NSMCE2: variants seen among roughly 807,000 people sequenced by gnomAD.
NSMCE2 encodes NSE2 SUMO ligase component of SMC5/6 complex.
NSMCE2 carries 24 observed loss-of-function variants against 23.8 expected under a neutral mutation model. The ratio of observed to expected loss-of-function variants is 1.01; its 90% CI spans 0.73 to 1.42. The LOEUF (loss-of-function observed/expected upper bound fraction) is 1.42. Ranked by LOEUF, NSMCE2 falls within the 40% of genes most tolerant of loss-of-function variation. NSMCE2 has a pLI of 0.00. For synonymous variants in NSMCE2, 92 were observed against 94.1 expected, an observed-to-expected ratio of 0.98 and a Z score of 0.13; for missense variants, 284 against 296.5, an observed-to-expected ratio of 0.96 and a Z score of 0.31.
intron 5 of NSMCE2, among the ~76,000 whole-genome samples, chr8:125,253,991 C>T (rs1483435377): frequency 6.6e-6 from 1 of 152,100 alleles, no homozygotes; most frequent in East Asian, 1.9e-4. Context: ...TCTCAAAAGG[C>T]CTAGAAGATA....
intron 5 of NSMCE2, among the ~76,000 whole-genome samples, chr8:125,339,165 T>C (rs1830156707): frequency 6.6e-6 from 1 of 152,218 alleles, no homozygotes; most frequent in African/African-American, 2.4e-5. Context: ...CCTTGAGTCC[T>C]GTCCACCCTC....
chr8:125,318,779 C>A (rs1250390071), intron 5 of NSMCE2, among the ~76,000 whole-genome samples: 1 of 152,144 alleles, frequency 6.6e-6, no homozygotes, highest in Non-Finnish European at 1.5e-5. Context: ...GAAATGGGTC[C>A]CATGCTTGTT....
intron 5 of NSMCE2, among the ~76,000 whole-genome samples, chr8:125,288,638 A>G (rs532732470): frequency 1.3e-5 from 2 of 151,948 alleles, no homozygotes; most frequent in South Asian, 4.2e-4. Context: ...TACTGTTGAC[A>G]TTTATTCATT....
At chr8:125,167,974 A>G (rs960550204) in intron 4 of NSMCE2, among the ~76,000 whole-genome samples, 2 of 152,174 alleles carry the variant, frequency 1.3e-5, no homozygotes, top group Non-Finnish European at 2.9e-5. Flanking sequence ...AACCAAGCTG[A>G]AAGTCAGTTT....
chr8:125,347,922 A>C (rs1348836412), intron 5 of NSMCE2, among the ~76,000 whole-genome samples: 1 of 152,228 alleles, frequency 6.6e-6, no homozygotes, highest in Admixed American at 6.5e-5. Context: ...GCTTACATTT[A>C]AGGGGGTGGT....
At chr8:125,201,695 G>T (rs977087109) in intron 5 of NSMCE2, among the ~76,000 whole-genome samples, 1 of 152,210 alleles carries the variant, frequency 6.6e-6, no homozygotes, top group East Asian at 1.9e-4. Flanking sequence ...GAGCTCAGTC[G>T]TTGTGCTGAG....
intron 5 of NSMCE2, among the ~76,000 whole-genome samples, chr8:125,225,288 A>C (rs905266978): frequency 4.6e-5 from 7 of 152,222 alleles, no homozygotes; most frequent in South Asian, 2.1e-4. Flanking sequence ...GCTTTCCTTC[A>C]GTCGACAGCA....
intron 7 of NSMCE2, among the ~76,000 whole-genome samples, chr8:125,360,351 T>A (rs1813480987): frequency 6.6e-6 from 1 of 152,060 alleles, no homozygotes. Flanking sequence ...TCAACTACCG[T>A]CACAGATGCA....
chr8:125,189,562 A>T (rs1332610380), intron 5 of NSMCE2, among the ~76,000 whole-genome samples: 1 of 152,208 alleles, frequency 6.6e-6, no homozygotes, highest in Non-Finnish European at 1.5e-5. Flanking sequence ...CCTAGAACAG[A>T]TTTATTCAAC....
At chr8:125,313,880 A>G (rs781077975) in intron 5 of NSMCE2, among the ~76,000 whole-genome samples, 11 of 152,348 alleles carry the variant, frequency 7.2e-5, no homozygotes, top group South Asian at 2.1e-4. Flanking sequence ...TCCACCAGCT[A>G]TTACAACTAA....
intron 5 of NSMCE2, among the ~76,000 whole-genome samples, chr8:125,328,137 G>A (rs1163891463): frequency 1.4e-5 from 2 of 146,068 alleles, no homozygotes; most frequent in African/African-American, 2.5e-5. Flanking sequence ...ATCATCCAAA[G>A]ACTTCTCACT....
chr8:125,121,586 T>C (rs1229190712), intron 3 of NSMCE2, among the ~76,000 whole-genome samples: 1 of 152,222 alleles, frequency 6.6e-6, no homozygotes, highest in Non-Finnish European at 1.5e-5. Context: ...TCTGTATGTC[T>C]CAATCAAGAA....
At chr8:125,319,629 G>A (rs1223352361) in intron 5 of NSMCE2, among the ~76,000 whole-genome samples, 1 of 152,046 alleles carries the variant, frequency 6.6e-6, no homozygotes, top group East Asian at 1.9e-4. Flanking sequence ...CACACAAACT[G>A]GATGGGATTA....
intron 5 of NSMCE2, among the ~76,000 whole-genome samples, chr8:125,320,299 A>AGGAAGGAAGGAT (rs1563782838): frequency 1.6e-5 from 2 of 126,788 alleles, no homozygotes; most frequent in African/African-American, 5.8e-5. Flanking sequence ...GAAGGAAGGA[A>AGGAAGGAAGGAT]GGAAGGAAGG....
intron 3 of NSMCE2, among the ~76,000 whole-genome samples, chr8:125,126,164 CT>C (rs1390648524): frequency 1.3e-5 from 2 of 152,070 alleles, no homozygotes; most frequent in Non-Finnish European, 2.9e-5. Context: ...GGGCAGATCA[CT>C]TGAGGTCAGG....
At chr8:125,238,919 A>G (rs1255229869) in intron 5 of NSMCE2, among the ~76,000 whole-genome samples, 2 of 152,194 alleles carry the variant, frequency 1.3e-5, no homozygotes, top group Non-Finnish European at 2.9e-5. Context: ...ATTCCTGTAT[A>G]TTGTTACAGA....
At chr8:125,172,530 A>G (rs1012560269) in intron 4 of NSMCE2, among the ~76,000 whole-genome samples, 3 of 152,188 alleles carry the variant, frequency 2.0e-5, no homozygotes, top group Non-Finnish European at 2.9e-5. Flanking sequence ...CCCCCTCCCC[A>G]AAAGGGGGAA....
At chr8:125,172,042 T>C (rs7017497) in intron 4 of NSMCE2, among the ~76,000 whole-genome samples, 14,968 of 152,224 alleles carry the variant, frequency 0.098, 951 homozygotes, top group South Asian at 0.17. Flanking sequence ...CATTAATTCA[T>C]TTAATACTCA....
At chr8:125,288,959 A>C (rs1345226023) in intron 5 of NSMCE2, among the ~76,000 whole-genome samples, 1 of 152,022 alleles carries the variant, frequency 6.6e-6, no homozygotes, top group Admixed American at 6.6e-5. Context: ...CACCATGCCC[A>C]GCTAATTTTT....
Sources: gnomAD v4.1 joint callset for allele counts (sites outside exome capture counted in the v4.1 genomes callset) on GRCh38, gnomAD v4.1.1 for gene constraint, MANE v1.5 for transcripts, NCBI Gene and HGNC (gene_info 2026-07-23, HGNC 2026-07-21) for gene names.